TEKT5: variants seen among roughly 807,000 people sequenced by gnomAD.
The protein encoded by TEKT5 is tektin-5.
A neutral mutation model predicts 48.7 loss-of-function variants in TEKT5; 52 were observed. The ratio of observed to expected loss-of-function variants is 1.07; its 90% CI spans 0.86 to 1.35. TEKT5 has a LOEUF of 1.35. Among genes scored for constraint, TEKT5 ranks in the 40% most tolerant of loss-of-function variants. TEKT5 has a pLI of 0.00. For missense variants in TEKT5, 831 were observed against 641.6 expected, an observed-to-expected ratio of 1.30 and a Z score of -3.19; for synonymous variants, 318 against 267.6, an observed-to-expected ratio of 1.19 and a Z score of -1.84.
chr16:10,667,836 G>C (rs541797003), intron 5 of TEKT5, among the ~76,000 whole-genome samples: 4 of 151,856 alleles, frequency 2.6e-5, no homozygotes, highest in Non-Finnish European at 5.9e-5. Flanking sequence ...TCCACCAATA[G>C]AGGGTACCAT....
intron 5 of TEKT5, among the ~76,000 whole-genome samples, chr16:10,653,932 AAAAC>A (rs1898212405): frequency 6.6e-6 from 1 of 152,128 alleles, no homozygotes; most frequent in African/African-American, 2.4e-5. Flanking sequence ...AACAAAAACA[AAAAC>A]AAAAGAAAAA....
In TEKT5 at chr16:10,693,569, AGTCTT is replaced by A. The variant is rs562613502; in HGVS notation, c.564+736_564+740del. 6.5e-3 allele frequency among the ~76,000 whole-genome samples: 989 copies of A among 152,358 alleles called. 8 individuals carry two copies. Among genetic ancestry groups the A allele is most frequent in the Middle Eastern group, 0.024 (7 of 294 alleles). On this transcript the variant is annotated intron_variant, in intron 1 of 6. Coordinates refer to ENST00000283025, the MANE Select transcript of TEKT5 (RefSeq NM_144674.2). ...ATACAGGTGCCCTGCACTGAATAGC[AGTCTT>A]GAATACATCAGTGACAAAGCAGGCA...
rs962147629 is a variant in TEKT5 at position 10,629,327 on chromosome 16, G to A, written c.1242-1528C>T. Among the ~76,000 whole-genome samples, 5 of 150,928 alleles carry A rather than the reference G, an allele frequency of 3.3e-5. No individual in the cohort carries two copies. In the East Asian group the frequency reaches 5.9e-4, roughly 18 times the overall value. ...GTGCAGTGGTGCAATCTCGGCTCACGGCAACCTCTGCCTCCCGGGTTCAAG... is the reference window on the plus strand; with the variant it reads ...GTGCAGTGGTGCAATCTCGGCTCACAGCAACCTCTGCCTCCCGGGTTCAAG... On this transcript the variant is annotated intron_variant, in intron 6 of 6. Coordinates refer to ENST00000283025, the MANE Select transcript of TEKT5 (RefSeq NM_144674.2).
At chr16:10,676,246 C>T (rs1898645489) in intron 4 of TEKT5, 65 bp from the exon 5 acceptor site, 1 of 1,467,856 alleles carries the variant, frequency 6.8e-7, no homozygotes, top group Admixed American at 1.8e-5. Context: ...GTTTCTCCGC[C>T]TTGGCAGTCT....
chr16:10,676,907 G>A (rs1327877054), intron 4 of TEKT5, among the ~76,000 whole-genome samples: 1 of 147,158 alleles, frequency 6.8e-6, no homozygotes, highest in Non-Finnish European at 1.5e-5. Flanking sequence ...GAAACTGGAG[G>A]GCTGGGCCAG....
chr16:10,673,976 G>A (rs8057531), intron 5 of TEKT5, among the ~76,000 whole-genome samples: 2,943 of 152,072 alleles, frequency 0.019, 94 homozygotes, highest in African/African-American at 0.067. Flanking sequence ...TAACCTCTGC[G>A]TCCCTTCTGC....
At chr16:10,649,901 G>A (rs992575566) in intron 5 of TEKT5, among the ~76,000 whole-genome samples, 3 of 152,094 alleles carry the variant, frequency 2.0e-5, no homozygotes, top group African/African-American at 7.2e-5. Flanking sequence ...GGAGGACACT[G>A]AGGGGCAGGG....
intron 3 of TEKT5, among the ~76,000 whole-genome samples, chr16:10,684,828 G>T (rs1257075161): frequency 6.6e-6 from 1 of 152,172 alleles, no homozygotes; most frequent in African/African-American, 2.4e-5. Context: ...AAGACCAAAC[G>T]TGGCTCCTTC....
chr16:10,674,059 G>T (rs1172253137), intron 5 of TEKT5, among the ~76,000 whole-genome samples: 3 of 152,124 alleles, frequency 2.0e-5, no homozygotes, highest in Non-Finnish European at 2.9e-5. Context: ...AATCTTCAAA[G>T]GCTCCCCATT....
intron 5 of TEKT5, among the ~76,000 whole-genome samples, chr16:10,665,243 A>T (rs1054343348): frequency 2.6e-5 from 4 of 152,174 alleles, no homozygotes; most frequent in Admixed American, 2.6e-4. Context: ...CTGGGGCATA[A>T]CATTACCCGG....
intron 5 of TEKT5, among the ~76,000 whole-genome samples, chr16:10,657,815 T>A (rs1898288607): frequency 6.6e-6 from 1 of 151,170 alleles, no homozygotes; most frequent in Admixed American, 6.6e-5. Flanking sequence ...TTAGCCAGGA[T>A]GTTCTCGATC....
chr16:10,689,245 G>C lies in TEKT5; in HGVS notation c.719+8C>G, dbSNP rs1222385194. ...GGAGAGGGAATTAAAAAAAAAAAAA[G>C]CCCTTACCGCATCTGGATATCAATT... is the stretch of plus-strand genomic sequence containing the variant. On this transcript the variant is annotated splice_region_variant and intron_variant, in intron 3 of 6. Coordinates refer to ENST00000283025, the MANE Select transcript of TEKT5 (RefSeq NM_144674.2). The C allele has an allele frequency of 1.2e-5, 18 of 1,558,194 alleles. No individual in the cohort carries two copies. Among genetic ancestry groups the C allele is most frequent in the Non-Finnish European group, 1.5e-5 (17 of 1,155,814 alleles).
intron 5 of TEKT5, among the ~76,000 whole-genome samples, chr16:10,643,897 C>G (rs1048276535): frequency 6.6e-6 from 1 of 151,992 alleles, no homozygotes; most frequent in Non-Finnish European, 1.5e-5. Flanking sequence ...AAAAAATTAG[C>G]CAGATGTGGT....
chr16:10,665,974 C>T (rs372049204), intron 5 of TEKT5, among the ~76,000 whole-genome samples: 23 of 152,312 alleles, frequency 1.5e-4, no homozygotes, highest in East Asian at 7.7e-4. Context: ...GGGCTGGGCG[C>T]GGTGGCTCAG....
chr16:10,668,565 T>C (rs1898498128), intron 5 of TEKT5, among the ~76,000 whole-genome samples: 2 of 152,220 alleles, frequency 1.3e-5, no homozygotes, highest in East Asian at 3.9e-4. Context: ...GGGTTGGCAG[T>C]AGACACGCAG....
intron 5 of TEKT5, among the ~76,000 whole-genome samples, chr16:10,653,125 G>C (rs1898197738): frequency 6.6e-6 from 1 of 152,220 alleles, no homozygotes; most frequent in South Asian, 2.1e-4. Context: ...AGAGGCTTCT[G>C]GGGCACAGCC....
intron 1 of TEKT5, chr16:10,690,765 G>A: frequency 1.0e-6 from 1 of 985,398 alleles, no homozygotes; most frequent in Non-Finnish European, 1.2e-6. Context: ...GGCGCTCTAT[G>A]ATGGGAAGCT....
intron 5 of TEKT5, among the ~76,000 whole-genome samples, chr16:10,659,504 C>G (rs185748080): frequency 1.4e-4 from 21 of 152,178 alleles, no homozygotes; most frequent in African/African-American, 4.6e-4. Flanking sequence ...CTCAGCCTCC[C>G]GAGTAGCTGG....
At chr16:10,657,179 G>A (rs564678416) in intron 5 of TEKT5, among the ~76,000 whole-genome samples, 67 of 150,122 alleles carry the variant, frequency 4.5e-4, no homozygotes, top group African/African-American at 1.5e-3. Flanking sequence ...AGGCTGGAGT[G>A]CAATGGTGTG....
Sources: allele counts gnomAD v4.1 joint callset (sites outside exome capture counted in the v4.1 genomes callset), GRCh38; gene constraint gnomAD v4.1.1; transcripts MANE v1.5; gene names NCBI Gene and HGNC (gene_info 2026-07-23, HGNC 2026-07-21).